Variants in DNAH8 observed in about 807,000 individuals in gnomAD.
DNAH8 encodes dynein axonemal heavy chain 8.
Under a neutral mutation model 562.1 loss-of-function variants are expected in DNAH8, and 382 were observed. The ratio of observed to expected loss-of-function variants is 0.68; its 90% CI spans 0.63 to 0.74. DNAH8 has a LOEUF of 0.74. Among genes scored for constraint, DNAH8 ranks in the 30% least tolerant of loss-of-function variants. The probability of loss-of-function intolerance (pLI) is 0.00; values close to 1 mark genes in which losing one functional copy is unlikely to be tolerated. For missense variants in DNAH8, 5,203 were observed against 5,620.4 expected (o/e 0.93, Z 2.37); for synonymous variants, 1,881 against 1,919.4 (o/e 0.98, Z 0.52).
chr6:38,885,237 C>T (rs1333773100), intron 56 of DNAH8, among the ~76,000 whole-genome samples: 2 of 152,104 alleles, frequency 1.3e-5, no homozygotes, highest in South Asian at 2.1e-4. Flanking sequence ...CTTAACACCT[C>T]CAACACCTGC....
rs201274048 is a variant in DNAH8, at chr6:39,012,606, G to A, written c.13683G>A (p.Val4561=). The A allele has an allele frequency of 1.0e-4, 169 of 1,614,016 alleles. No homozygotes were observed. The Middle Eastern group carries it at 2.0e-3, about 19-fold the overall frequency. ...GGATATTTGAAGGGAGGCCTAATGT[G>A]TTTTGGATGACTGGTTTCTTTAATC... ...STWIFEGRPN[V]FWMTGFFNPQ... Residue 4561 remains valine, a synonymous_variant, in exon 91 of 93, where the codon GTG becomes GTA. Transcript: ENST00000327475.
intron 82 of DNAH8, among the ~76,000 whole-genome samples, chr6:38,966,346 C>A (rs1762969228): frequency 6.6e-6 from 1 of 152,118 alleles, no homozygotes; most frequent in African/African-American, 2.4e-5. Context: ...ATTCATTAAT[C>A]AAAAAATTCA....
intron 56 of DNAH8, among the ~76,000 whole-genome samples, chr6:38,885,515 G>C (rs549011507): frequency 2.0e-5 from 3 of 152,020 alleles, no homozygotes; most frequent in Non-Finnish European, 4.4e-5. Context: ...CACTCTTCTG[G>C]TCAACATCCT....
chr6:39,002,771 C>A (rs1387345447), intron 88 of DNAH8, among the ~76,000 whole-genome samples: 1 of 152,124 alleles, frequency 6.6e-6, no homozygotes, highest in Non-Finnish European at 1.5e-5. Context: ...CTGGGAAAGT[C>A]ATGTATTTAA....
intron 69 of DNAH8, 31 bp from the exon 70 acceptor site, chr6:38,917,894 A>G: frequency 6.6e-7 from 1 of 1,506,464 alleles, no homozygotes; most frequent in South Asian, 1.2e-5. Flanking sequence ...ATTTTCTTCC[A>G]GAACTTACAG....
intron 21 of DNAH8, among the ~76,000 whole-genome samples, chr6:38,799,634 A>C (rs1439493670): frequency 6.6e-6 from 1 of 151,696 alleles, no homozygotes; most frequent in Non-Finnish European, 1.5e-5. Context: ...CCTACAATTC[A>C]CCCATTTAAA....
intron 42 of DNAH8, among the ~76,000 whole-genome samples, chr6:38,857,979 G>C (rs1476292915): frequency 6.6e-6 from 1 of 152,112 alleles, no homozygotes; most frequent in East Asian, 1.9e-4. Context: ...CCAGCTAATT[G>C]TTCCATTAAA....
In DNAH8 at chr6:38,827,777, A is replaced by G. The variant is rs547367589; in HGVS notation, c.4084-407A>G. On this transcript the variant is annotated intron_variant, in intron 29 of 92. Transcript: ENST00000327475. ...TTTTTTTTTTTTTTTTTTTTGGTGA[A>G]GACAATTACTGGTCATCCCTTGGAG... 3.2e-4 allele frequency among the ~76,000 whole-genome samples: 25 copies of G among 78,232 alleles called. No homozygotes were observed. In the East Asian group the frequency reaches 0.011, roughly 35 times the overall value. 51.3% of individuals were successfully genotyped at this position (78,232 alleles called of 152,430 possible).
At chr6:38,912,038 G>GC (rs1383429394) in intron 66 of DNAH8, among the ~76,000 whole-genome samples, 2 of 152,198 alleles carry the variant, frequency 1.3e-5, no homozygotes, top group Non-Finnish European at 2.9e-5. Flanking sequence ...GTGTACCTAA[G>GC]CAAGAGTTTT....
intron 75 of DNAH8, among the ~76,000 whole-genome samples, chr6:38,930,003 G>GTA (rs964206072): frequency 3.7e-4 from 56 of 152,188 alleles, no homozygotes; most frequent in South Asian, 3.1e-3. Context: ...GCAACACACA[G>GTA]TATATATATG....
chr6:38,851,771 A>G (rs78964677), intron 39 of DNAH8, 97 bp downstream of exon 39: 14,148 of 801,020 alleles, frequency 0.018, 702 homozygotes, highest in East Asian at 0.13. Context: ...CAGGCAGGAA[A>G]GAAGAGTATT....
intron 82 of DNAH8, among the ~76,000 whole-genome samples, chr6:38,953,728 C>A (rs1472536016): frequency 6.6e-6 from 1 of 152,076 alleles, no homozygotes; most frequent in Non-Finnish European, 1.5e-5. Context: ...ATTACACATA[C>A]CGAACAACAT....
chr6:38,860,389 GC>G lies in DNAH8; in HGVS notation c.5959-65del, dbSNP rs368969449. 858 of 893,262 alleles carry G rather than the reference GC, an allele frequency of 9.6e-4. 17 individuals are homozygous for G. The East Asian group carries it at 0.022, about 23-fold the overall frequency. 55.3% of individuals were successfully genotyped at this position (893,262 alleles called of 1,614,324 possible). A position where few individuals can be genotyped will look rare whatever the true frequency, so the allele number is the denominator to read the frequency against. ...CATCAAAGAGTGAATTTTAAAAACT[GC>G]CCACATGCTTATGTTTTATGCTATT... is the stretch of plus-strand genomic sequence containing the variant. On this transcript the variant is annotated intron_variant, in intron 42 of 92. Transcript: ENST00000327475.
chr6:38,729,984 T>C lies in DNAH8; in HGVS notation c.608T>C (p.Ile203Thr). Residue 203 changes from isoleucine (I) to threonine (T), a missense_variant and splice_region_variant, in exon 4 of 93, where the codon ATT becomes ACT. By Grantham distance (89) the Ile-to-Thr change is moderately conservative. This residue lies in a region of DNAH8 where 556 missense variants were observed against 496.9 expected (regional missense o/e 1.12). Coordinates refer to ENST00000327475, the MANE Select transcript of DNAH8 (RefSeq NM_001206927.2). ...TACCAAGAAGGAGATGTACCTGGTA[T>C]TGGTAAGAATTTTCTGAGGGCAGTG... ...FLYQEGDVPG[I>T]ECGRTIAGAT... 6.5e-7 allele frequency: 1 copy of C among 1,537,820 alleles called. No individual in the cohort carries two copies. The highest frequency in any genetic ancestry group is 9.0e-7 in the Non-Finnish European group (1 of 1,116,284).
rs570192825 is a variant in DNAH8 at position 38,782,575 on chromosome 6, C to T, written c.2260-429C>T. On this transcript the variant is annotated intron_variant, in intron 16 of 92. Transcript: ENST00000327475. ...GGGATTACAGGCGTGAGCTACGGCA[C>T]CCGGCCAAGAAATTTTATTTTTATC... 7.9e-5 allele frequency among the ~76,000 whole-genome samples: 12 copies of T among 152,316 alleles called. No homozygotes were observed. In the South Asian group the frequency reaches 2.5e-3, roughly 32 times the overall value.
chr6:39,002,217 T>C (rs1229262306), intron 88 of DNAH8, among the ~76,000 whole-genome samples: 4 of 152,202 alleles, frequency 2.6e-5, no homozygotes. Flanking sequence ...GTTTCGTGGC[T>C]CTCTGTAAGA....
chr6:38,774,394 G>C (rs961281969), intron 12 of DNAH8, among the ~76,000 whole-genome samples: 2 of 152,150 alleles, frequency 1.3e-5, no homozygotes, highest in African/African-American at 4.8e-5. Flanking sequence ...TGCATTGGTG[G>C]TGAGTACTGA....
intron 77 of DNAH8, 83 bp downstream of exon 77, chr6:38,935,780 T>C: frequency 1.0e-6 from 1 of 1,000,912 alleles, no homozygotes; most frequent in Non-Finnish European, 1.5e-6. Flanking sequence ...CTCATGACTA[T>C]AGATGTTAGG....
chr6:38,764,624 G>A (rs1459137906), intron 11 of DNAH8: 1 of 152,230 alleles, frequency 6.6e-6, no homozygotes, highest in African/African-American at 2.4e-5. Context: ...AACAATATAA[G>A]GAAGTTGTTG....
Sources: allele counts gnomAD v4.1 joint callset (sites outside exome capture counted in the v4.1 genomes callset), GRCh38; gene constraint gnomAD v4.1.1; regional missense constraint gnomAD v4.1.1; transcripts MANE v1.5; gene names NCBI Gene and HGNC (gene_info 2026-07-23, HGNC 2026-07-21).